The following INO80 variants were observed in gnomAD, a reference collection of about 807,000 sequenced individuals.
The protein encoded by INO80 is chromatin-remodeling ATPase INO80.
In INO80, 20 loss-of-function variants were observed where a neutral mutation model predicts 203.4. That is an observed-to-expected ratio of 0.10 (90% confidence interval 0.07 to 0.14). INO80 has a LOEUF of 0.14. Among genes scored for constraint, INO80 ranks in the 10% least tolerant of loss-of-function variants. The pLI is 1.00. For missense variants in INO80, 1,419 were observed against 1,914.4 expected (o/e 0.74, Z 4.83); for synonymous variants, 726 against 685.2 (o/e 1.06, Z -0.93).
intron 19 of INO80, among the ~76,000 whole-genome samples, chr15:41,051,312 C>T (rs535151959): frequency 1.3e-5 from 2 of 151,802 alleles, no homozygotes; most frequent in South Asian, 2.1e-4. Flanking sequence ...CCCCCCATTC[C>T]CACCATATTT....
At chr15:41,108,458 G>A (rs961246601) in intron 1 of INO80, among the ~76,000 whole-genome samples, 3 of 151,940 alleles carry the variant, frequency 2.0e-5, no homozygotes, top group African/African-American at 7.3e-5. Flanking sequence ...CGGGCGTGGT[G>A]GTGGGCGCTT....
In INO80 at chr15:41,069,142, T is replaced by C. The variant is rs77115502; in HGVS notation, c.1782+428A>G. Among the ~76,000 whole-genome samples the C allele has an allele frequency of 7.2e-5, 11 of 152,306 alleles. No individual in the cohort carries two copies. In the East Asian group the frequency reaches 2.1e-3, roughly 29 times the overall value. ...TTGGAACAATGTATATTTTTGTTTTTGTGACGGAAGGAGTCTTGCTCTGTC... is the reference window on the plus strand; with the variant it reads ...TTGGAACAATGTATATTTTTGTTTTCGTGACGGAAGGAGTCTTGCTCTGTC... On this transcript the variant is annotated intron_variant, in intron 14 of 35. Transcript: ENST00000648947.
At chr15:41,064,424 G>C (rs1239684995) in intron 14 of INO80, among the ~76,000 whole-genome samples, 1 of 152,036 alleles carries the variant, frequency 6.6e-6, no homozygotes, top group Non-Finnish European at 1.5e-5. Flanking sequence ...CTGTTGCCTA[G>C]GCTGGAGTAC....
intron 26 of INO80, chr15:41,018,216 C>G (rs143909751): frequency 6.6e-6 from 1 of 151,902 alleles, no homozygotes; most frequent in Non-Finnish European, 1.5e-5. Context: ...TATCTTCTTT[C>G]TCCATTTAGA....
intron 1 of INO80, among the ~76,000 whole-genome samples, chr15:41,101,846 G>A (rs1008587994): frequency 1.6e-4 from 23 of 147,628 alleles, no homozygotes; most frequent in Non-Finnish European, 2.8e-4. Flanking sequence ...CACCGCACCC[G>A]GCCTATTTGT....
In INO80 at chr15:41,111,291, C is replaced by G. The variant is rs1334821833; in HGVS notation, c.-44+4682G>C. ...TGAAACCCCATCTCTACTAAAGATACAAAAATTAGCTGGGTGTGGTGGCAC... is the reference window on the plus strand; with the variant it reads ...TGAAACCCCATCTCTACTAAAGATAGAAAAATTAGCTGGGTGTGGTGGCAC... On this transcript the variant is annotated intron_variant, in intron 1 of 35. Transcript: ENST00000648947. Among the ~76,000 whole-genome samples the G allele has an allele frequency of 2.0e-5, 3 of 152,132 alleles. No homozygotes were observed. The South Asian group carries it at 6.2e-4, about 32-fold the overall frequency.
At chr15:41,074,911 A>G (rs1187015557) in intron 9 of INO80, among the ~76,000 whole-genome samples, 2 of 152,152 alleles carry the variant, frequency 1.3e-5, no homozygotes, top group African/African-American at 4.8e-5. Context: ...AACTCGGCTA[A>G]TTTGTATATT....
intron 19 of INO80, among the ~76,000 whole-genome samples, chr15:41,051,711 T>C (rs1047672007): frequency 2.0e-5 from 3 of 152,076 alleles, no homozygotes; most frequent in African/African-American, 4.8e-5. Flanking sequence ...TCCCAGCACT[T>C]TGGGAGGCCG....
Position 41,088,243 on chromosome 15 carries a change from C to G in INO80, c.538-561G>C, listed in dbSNP as rs541537214. Among the ~76,000 whole-genome samples the G allele has an allele frequency of 4.6e-5, 7 of 152,020 alleles. No homozygotes were observed. The East Asian group carries it at 1.4e-3, about 29-fold the overall frequency. On this transcript the variant is annotated intron_variant, in intron 5 of 35. Coordinates refer to ENST00000648947, the MANE Select transcript of INO80 (RefSeq NM_017553.3). ...TAGCTGGGATTACAAGCACACGCCACCACACCCAGCTGATTTTTGTATTTT... is the reference window on the plus strand; with the variant it reads ...TAGCTGGGATTACAAGCACACGCCAGCACACCCAGCTGATTTTTGTATTTT...
chr15:41,000,973 A>G (rs1452776364), intron 28 of INO80, among the ~76,000 whole-genome samples: 2 of 152,162 alleles, frequency 1.3e-5, no homozygotes, highest in Non-Finnish European at 2.9e-5. Flanking sequence ...TAATTTTATC[A>G]TATTGTAATA....
At chr15:41,061,571 C>T (rs533935749) in intron 14 of INO80, among the ~76,000 whole-genome samples, 3 of 151,032 alleles carry the variant, frequency 2.0e-5, no homozygotes, top group Admixed American at 1.3e-4. Flanking sequence ...TGCAGTGAGC[C>T]GAGATCGTGC....
At chr15:41,106,383 CAAAAA>C (rs369784846) in intron 1 of INO80, among the ~76,000 whole-genome samples, 7 of 83,906 alleles carry the variant, frequency 8.3e-5, no homozygotes, top group Non-Finnish European at 1.3e-4. Context: ...GACCCTGTCT[CAAAAA>C]AAAAAAAAAA....
At chr15:41,107,973 G>A (rs192217612) in intron 1 of INO80, among the ~76,000 whole-genome samples, 132 of 151,840 alleles carry the variant, frequency 8.7e-4, no homozygotes, top group African/African-American at 3.1e-3. Context: ...GGTGGTGCAT[G>A]CCTGTAATCC....
At chr15:41,006,067 T>C (rs1287001255) in intron 27 of INO80, among the ~76,000 whole-genome samples, 1 of 151,978 alleles carries the variant, frequency 6.6e-6, no homozygotes, top group African/African-American at 2.4e-5. Flanking sequence ...GTGAATAACA[T>C]TCACTGAAAC....
At chr15:41,102,713 AG>A (rs2045827762) in intron 1 of INO80, among the ~76,000 whole-genome samples, 1 of 152,194 alleles carries the variant, frequency 6.6e-6, no homozygotes, top group South Asian at 2.1e-4. Context: ...GTAATAAAAA[AG>A]GAGAGTTGGG....
intron 23 of INO80, among the ~76,000 whole-genome samples, chr15:41,045,443 G>A (rs184606607): frequency 2.6e-5 from 4 of 152,094 alleles, no homozygotes; most frequent in Non-Finnish European, 4.4e-5. Flanking sequence ...ACAAAAGGGC[G>A]TGGTGTCAGG....
chr15:41,065,331 G>C (rs543164005), intron 14 of INO80, among the ~76,000 whole-genome samples: 41 of 151,640 alleles, frequency 2.7e-4, no homozygotes, highest in African/African-American at 9.7e-4. Flanking sequence ...CCAGCTACTC[G>C]GGAGGCTGAG....
chr15:41,028,556 A>T (rs143586938), intron 24 of INO80, among the ~76,000 whole-genome samples: 312 of 152,346 alleles, frequency 2.0e-3, no homozygotes, highest in African/African-American at 7.0e-3. Context: ...TGCCTCTGAC[A>T]ACCATTTAAA....
chr15:40,988,213 A>T (rs1566900435), intron 29 of INO80, among the ~76,000 whole-genome samples: 2 of 152,242 alleles, frequency 1.3e-5, no homozygotes, highest in Non-Finnish European at 2.9e-5. Flanking sequence ...GAGTGGCAAT[A>T]ATATTAATAG....
Sources: gnomAD v4.1 joint callset for allele counts (sites outside exome capture counted in the v4.1 genomes callset) on GRCh38, gnomAD v4.1.1 for gene constraint, MANE v1.5 for transcripts, NCBI Gene and HGNC (gene_info 2026-07-23, HGNC 2026-07-21) for gene names.